The following SLC1A2 variants were observed in gnomAD, a reference collection of about 807,000 sequenced individuals.
SLC1A2 encodes the protein solute carrier family 1 member 2, also known as excitatory amino acid transporter 2.
In SLC1A2, 15 loss-of-function variants were observed where a neutral mutation model predicts 48.8. The ratio of observed to expected loss-of-function variants is 0.31; its 90% CI spans 0.21 to 0.47. The LOEUF is 0.47. Ranked by LOEUF, SLC1A2 falls within the 20% of genes least tolerant of loss-of-function variation. The probability of loss-of-function intolerance (pLI) is 0.99; values close to 1 mark genes in which losing one functional copy is unlikely to be tolerated. For synonymous variants in SLC1A2, 279 were observed against 272.6 expected, an observed-to-expected ratio of 1.02 and a Z score of -0.23; for missense variants, 502 against 730.5, an observed-to-expected ratio of 0.69 and a Z score of 3.61.
Position 35,369,119 on chromosome 11 carries a change from G to A in SLC1A2, c.17+49831C>T, listed in dbSNP as rs987307969. Among the ~76,000 whole-genome samples the A allele has an allele frequency of 2.6e-5, 4 of 152,108 alleles. No individual in the cohort carries two copies. In the East Asian group the frequency reaches 7.7e-4, roughly 29 times the overall value. ...TATGCTGCTTGCTTTCCCTTCCCGA[G>A]GCTTCTCCCTGGTTTTAAAACATCA... On this transcript the variant is annotated intron_variant, in intron 1 of 10. Transcript: ENST00000278379.
At chr11:35,330,229 T>G (rs1852384521) in intron 1 of SLC1A2, among the ~76,000 whole-genome samples, 1 of 152,222 alleles carries the variant, frequency 6.6e-6, no homozygotes, top group Non-Finnish European at 1.5e-5. Flanking sequence ...CTTACTTGCC[T>G]GTGCCTCCCA....
intron 1 of SLC1A2, among the ~76,000 whole-genome samples, chr11:35,356,793 TAA>T (rs1223297579): frequency 1.3e-5 from 2 of 152,222 alleles, no homozygotes; most frequent in Non-Finnish European, 2.9e-5. Flanking sequence ...CTTTCAAATA[TAA>T]AGTCTTTATG....
At chr11:35,373,559 A>G (rs1854127008) in intron 1 of SLC1A2, among the ~76,000 whole-genome samples, 7 of 152,222 alleles carry the variant, frequency 4.6e-5, no homozygotes, top group Admixed American at 4.6e-4. Flanking sequence ...ACAAGGTGAA[A>G]CTAAGTGGGA....
chr11:35,409,136 A>G (rs1487803573), intron 1 of SLC1A2, among the ~76,000 whole-genome samples: 1 of 152,250 alleles, frequency 6.6e-6, no homozygotes, highest in Non-Finnish European at 1.5e-5. Context: ...TGTGTGTACA[A>G]AAGTGTTCTT....
chr11:35,281,222 A>G (rs1850624194), intron 8 of SLC1A2, among the ~76,000 whole-genome samples: 1 of 152,210 alleles, frequency 6.6e-6, no homozygotes, highest in Non-Finnish European at 1.5e-5. Flanking sequence ...AAGCTTATAA[A>G]TTCATGGACT....
At chr11:35,314,874 C>T (rs973748440) in intron 3 of SLC1A2, 149 bp downstream of exon 3, 2 of 497,494 alleles carry the variant, frequency 4.0e-6, no homozygotes, top group Admixed American at 3.0e-5. Flanking sequence ...GGTTGATTAT[C>T]CTCATTTCAG....
chr11:35,333,342 G>A (rs1852492559), intron 1 of SLC1A2, among the ~76,000 whole-genome samples: 1 of 151,932 alleles, frequency 6.6e-6, no homozygotes, highest in African/African-American at 2.4e-5. Context: ...ACTTGAACCT[G>A]GGAGGCGGAG....
chr11:35,397,446 TA>T (rs1274011658), intron 1 of SLC1A2, among the ~76,000 whole-genome samples: 1 of 148,092 alleles, frequency 6.8e-6, no homozygotes, highest in Non-Finnish European at 1.5e-5. Context: ...CCCTATTTAA[TA>T]AATGGTGCTG....
intron 1 of SLC1A2, among the ~76,000 whole-genome samples, chr11:35,352,790 G>A (rs1229997439): frequency 6.6e-6 from 1 of 152,154 alleles, no homozygotes. Context: ...TGCACCATGC[G>A]AGAAATCAAT....
Position 35,286,758 on chromosome 11 carries a change from T to C in SLC1A2, c.1285A>G (p.Ser429Gly). Residue 429 changes from serine to glycine, a missense_variant and splice_region_variant, in exon 8 of 11, where the codon AGC becomes GGC. By Grantham distance (56) the Ser-to-Gly change is moderately conservative. This residue lies in a region of SLC1A2 where 309 missense variants were observed against 480.3 expected (regional missense o/e 0.64). Transcript: ENST00000278379. ...TGTGTTTTACCCCACCCTTCTCACC[T>C]TACAGTCACAATCTGTCCTCCATCC... ...VLDGGQIVTV[S>G]LTATLASVGA... 6.2e-7 allele frequency: 1 copy of C among 1,610,882 alleles called. No homozygotes were observed. Among genetic ancestry groups the C allele is most frequent in the Non-Finnish European group, 8.5e-7 (1 of 1,177,972 alleles).
rs769390665 is a variant in SLC1A2, at chr11:35,360,325, G to A, written c.18-42809C>T. ...CTTTGATGTCCCTTTTCTCTCCTTA[G>A]GCAAGAACCATGGCTGTTTCCCTCC... is the stretch of plus-strand genomic sequence containing the variant. On this transcript the variant is annotated intron_variant, in intron 1 of 10. Transcript: ENST00000278379. 2.6e-5 allele frequency among the ~76,000 whole-genome samples: 4 copies of A among 152,118 alleles called. No homozygotes were observed. In the South Asian group the frequency reaches 6.2e-4, roughly 24 times the overall value.
chr11:35,374,375 C>T, intron 1 of SLC1A2: 4 of 760,306 alleles, frequency 5.3e-6, no homozygotes, highest in Middle Eastern at 5.3e-4. Context: ...TGGAGAATTA[C>T]AGAGACCTGG....
chr11:35,309,557 C>A (rs1851622293), intron 4 of SLC1A2, among the ~76,000 whole-genome samples: 1 of 152,190 alleles, frequency 6.6e-6, no homozygotes, highest in Admixed American at 6.5e-5. Flanking sequence ...TTAACTTGGG[C>A]AAACCAGGCC....
At chr11:35,399,607 C>T (rs533131704) in intron 1 of SLC1A2, 199 of 984,244 alleles carry the variant, frequency 2.0e-4, no homozygotes, top group Non-Finnish European at 2.3e-4. Context: ...ATAGATGATG[C>T]GTTTTCCATT....
intron 1 of SLC1A2, among the ~76,000 whole-genome samples, chr11:35,405,230 T>C (rs879291993): frequency 6.6e-6 from 1 of 152,186 alleles, no homozygotes; most frequent in Non-Finnish European, 1.5e-5. Context: ...TTTATTTAGG[T>C]TGCTGGAAAA....
chr11:35,317,976 C>G (rs1354545742), intron 1 of SLC1A2, among the ~76,000 whole-genome samples: 6 of 152,204 alleles, frequency 3.9e-5, no homozygotes, highest in Admixed American at 1.3e-4. Context: ...CAAGCTCAAG[C>G]CTTCCCCATC....
intron 9 of SLC1A2, among the ~76,000 whole-genome samples, chr11:35,266,851 G>A (rs541238903): frequency 6.6e-6 from 1 of 152,326 alleles, no homozygotes; most frequent in South Asian, 2.1e-4. Context: ...GACTCTAAAT[G>A]AATTCTAGTT....
At chr11:35,329,024 G>C (rs1852339096) in intron 1 of SLC1A2, among the ~76,000 whole-genome samples, 1 of 152,128 alleles carries the variant, frequency 6.6e-6, no homozygotes, top group Non-Finnish European at 1.5e-5. Flanking sequence ...TGGGCAAATG[G>C]ATAAACCATG....
At chr11:35,397,620 A>T (rs1855004338) in intron 1 of SLC1A2, among the ~76,000 whole-genome samples, 1 of 152,218 alleles carries the variant, frequency 6.6e-6, no homozygotes, top group Admixed American at 6.5e-5. Flanking sequence ...CTTATGTTGA[A>T]ATCCTCACCC....
Sources: allele counts gnomAD v4.1 joint callset (sites outside exome capture counted in the v4.1 genomes callset), GRCh38; gene constraint gnomAD v4.1.1; regional missense constraint gnomAD v4.1.1; transcripts MANE v1.5; gene names NCBI Gene and HGNC (gene_info 2026-07-23, HGNC 2026-07-21).